ITGA8: variants seen among roughly 807,000 people sequenced by gnomAD.
The protein encoded by ITGA8 is integrin alpha-8.
A neutral mutation model predicts 142.3 loss-of-function variants in ITGA8; 91 were observed. The ratio of observed to expected loss-of-function variants is 0.64; its 90% CI spans 0.54 to 0.76. The LOEUF (loss-of-function observed/expected upper bound fraction) is 0.76, where lower values mean the gene tolerates loss of function less well. Among genes scored for constraint, ITGA8 ranks in the 30% least tolerant of loss-of-function variants. The pLI, the probability that ITGA8 is intolerant of heterozygous loss-of-function variation, is 0.00. For synonymous variants in ITGA8, 505 were observed against 485.2 expected (o/e 1.04, Z -0.54); for missense variants, 1,406 against 1,327.7 (o/e 1.06, Z -0.92).
At chr10:15,591,519 A>G (rs1461372938) in intron 22 of ITGA8, among the ~76,000 whole-genome samples, 1 of 151,702 alleles carries the variant, frequency 6.6e-6, no homozygotes, top group South Asian at 2.1e-4. Flanking sequence ...TACCCAGCCA[A>G]TGGGTTTAAG....
At chr10:15,694,695 A>ATATATATATATATATATATC in intron 2 of ITGA8, among the ~76,000 whole-genome samples, 1 of 136,640 alleles carries the variant, frequency 7.3e-6, no homozygotes, top group South Asian at 2.2e-4. Flanking sequence ...ATATATATAT[A>ATATATATATATATATATATC]TATATATGTC....
At chr10:15,585,182 C>T (rs780219797) in intron 23 of ITGA8, among the ~76,000 whole-genome samples, 13 of 152,062 alleles carry the variant, frequency 8.5e-5, no homozygotes, top group Admixed American at 3.3e-4. Context: ...ACATAAAATA[C>T]GATTTTATGT....
At chr10:15,536,254 G>C (rs1833434605) in intron 27 of ITGA8, among the ~76,000 whole-genome samples, 1 of 151,874 alleles carries the variant, frequency 6.6e-6, no homozygotes, top group Non-Finnish European at 1.5e-5. Flanking sequence ...TGTTTTGAAC[G>C]CATTCTTCAA....
rs1203417933 is a variant in ITGA8, at chr10:15,684,083, T to C, written c.489A>G (p.Pro163=). 3.1e-6 allele frequency: 5 copies of C among 1,614,052 alleles called. No individual in the cohort carries two copies. In the African/African-American group the frequency reaches 6.7e-5, roughly 22 times the overall value. Residue 163 remains proline, a synonymous_variant, in exon 4 of 30, where the codon CCA becomes CCG. Coordinates refer to ENST00000378076, the MANE Select transcript of ITGA8 (RefSeq NM_003638.3). ...LYHWRTLKPT[P]EKDPVGTCYV... Reference sequence around the variant, plus strand: ...AGCAGGTGCCAACTGGGTCCTTTTCTGGTGTCGGTTTAAGAGTTCTCCAGT... The same window carrying C: ...AGCAGGTGCCAACTGGGTCCTTTTCCGGTGTCGGTTTAAGAGTTCTCCAGT...
intron 28 of ITGA8, among the ~76,000 whole-genome samples, chr10:15,524,113 C>T (rs2131534222): frequency 6.6e-6 from 1 of 152,318 alleles, no homozygotes; most frequent in South Asian, 2.1e-4. Context: ...TTTCTGCTTT[C>T]CTGGTCCTTT....
At chr10:15,630,792 C>T (rs911605514) in intron 13 of ITGA8, among the ~76,000 whole-genome samples, 3 of 151,938 alleles carry the variant, frequency 2.0e-5, no homozygotes, top group African/African-American at 4.8e-5. Flanking sequence ...GAAATTGACT[C>T]CAACTAATTC....
intron 6 of ITGA8, among the ~76,000 whole-genome samples, chr10:15,674,463 A>C (rs1834588307): frequency 6.6e-6 from 1 of 152,208 alleles, no homozygotes; most frequent in African/African-American, 2.4e-5. Context: ...AAATTAACCA[A>C]GTGAATTAGA....
chr10:15,537,371 G>A (rs1216628568), intron 27 of ITGA8, among the ~76,000 whole-genome samples: 2 of 152,212 alleles, frequency 1.3e-5, no homozygotes, highest in African/African-American at 4.8e-5. Flanking sequence ...TTTGGGCTAA[G>A]GATGTGGGTG....
At chr10:15,603,409 G>A (rs571339426) in intron 20 of ITGA8, among the ~76,000 whole-genome samples, 3 of 152,214 alleles carry the variant, frequency 2.0e-5, no homozygotes, top group African/African-American at 4.8e-5. Context: ...TATTTAAGGA[G>A]CACCTACTCT....
intron 3 of ITGA8, among the ~76,000 whole-genome samples, chr10:15,687,294 G>C (rs533644485): frequency 9.9e-5 from 15 of 151,552 alleles, no homozygotes; most frequent in Non-Finnish European, 1.9e-4. Flanking sequence ...AAGCCAATAG[G>C]TTGAAAAAAT....
At chr10:15,549,199 C>CTTT (rs1564346419) in intron 26 of ITGA8, among the ~76,000 whole-genome samples, 1 of 48,848 alleles carries the variant, frequency 2.0e-5, no homozygotes, top group Non-Finnish European at 3.7e-5. Flanking sequence ...CTTTTCTTTT[C>CTTT]TGTTTTTTTT....
intron 27 of ITGA8, among the ~76,000 whole-genome samples, chr10:15,537,704 G>T (rs1336726630): frequency 1.3e-5 from 2 of 152,160 alleles, no homozygotes; most frequent in African/African-American, 4.8e-5. Context: ...TTGAAAAGTT[G>T]TTCTCCCTCT....
At chr10:15,589,728 T>C (rs1175895204) in intron 22 of ITGA8, among the ~76,000 whole-genome samples, 1 of 151,110 alleles carries the variant, frequency 6.6e-6, no homozygotes, top group Admixed American at 6.6e-5. Flanking sequence ...AATACCCTAG[T>C]AATTGAGTTT....
Position 15,572,308 on chromosome 10 carries a change from G to C in ITGA8, c.2540C>G (p.Ser847Cys). ...ATAGAGAAGAAATTCATCCCGGGCAGAGAAAGGCCAGCCCACCTCCAGGAT... is the reference window on the plus strand; with the variant it reads ...ATAGAGAAGAAATTCATCCCGGGCACAGAAAGGCCAGCCCACCTCCAGGAT... ...DTILEVGWPF[S>C]ARDEFLLYIF... is the part of the protein sequence containing the mutation. Residue 847 changes from serine (S) to cysteine (C), a missense_variant, in exon 25 of 30, where the codon TCT becomes TGT. Coordinates refer to ENST00000378076, the MANE Select transcript of ITGA8 (RefSeq NM_003638.3). The C allele has an allele frequency of 6.2e-7, 1 of 1,614,092 alleles. No homozygotes were observed. Among genetic ancestry groups the C allele is most frequent in the Non-Finnish European group, 8.5e-7 (1 of 1,179,994 alleles).
intron 27 of ITGA8, among the ~76,000 whole-genome samples, chr10:15,541,817 A>G (rs1444818198): frequency 5.4e-5 from 8 of 149,240 alleles, no homozygotes; most frequent in Admixed American, 4.0e-4. Context: ...TTTTTTTTTC[A>G]TTACATATGG....
At chr10:15,681,997 TTGAA>T in intron 4 of ITGA8, among the ~76,000 whole-genome samples, 2 of 152,278 alleles carry the variant, frequency 1.3e-5, no homozygotes, top group Middle Eastern at 6.8e-3. Context: ...GCACAGCACT[TTGAA>T]TGGAACATGA....
chr10:15,601,639 C>T (rs542582779), intron 20 of ITGA8, among the ~76,000 whole-genome samples: 92 of 152,070 alleles, frequency 6.0e-4, no homozygotes, highest in African/African-American at 2.1e-3. Flanking sequence ...ACATATACAC[C>T]TTTTTTCACA....
In ITGA8 at chr10:15,515,232, C is replaced by G. The variant is rs1194329814; in HGVS notation, c.*1926G>C. ...GACTAACACCAAAGACCCCCAGAGG[C>G]TGGTGTGGACACCCCTTAATTCTTT... On this transcript the variant is annotated 3_prime_UTR_variant, in exon 30 of 30. Transcript: ENST00000378076. 6.6e-6 allele frequency: 1 copy of G among 152,258 alleles called. No individual in the cohort carries two copies. The allele number at this position is 152,258 out of a possible 1,614,324, so 9.4% of individuals were successfully genotyped here. A position where few individuals can be genotyped will look rare whatever the true frequency, so the allele number is the denominator to read the frequency against.
intron 11 of ITGA8, among the ~76,000 whole-genome samples, chr10:15,650,781 G>T (rs1309645600): frequency 1.3e-5 from 2 of 151,930 alleles, no homozygotes; most frequent in African/African-American, 4.8e-5. Flanking sequence ...TCAGAATTTA[G>T]TTATTTATTA....
Sources: gnomAD v4.1 joint callset for allele counts (sites outside exome capture counted in the v4.1 genomes callset) on GRCh38, gnomAD v4.1.1 for gene constraint, MANE v1.5 for transcripts, NCBI Gene and HGNC (gene_info 2026-07-23, HGNC 2026-07-21) for gene names.